Variants in PM20D2 observed in about 807,000 individuals in gnomAD.
PM20D2 encodes the protein xaa-Arg dipeptidase.
Under a neutral mutation model 42.9 loss-of-function variants are expected in PM20D2, and 33 were observed. That is an observed-to-expected ratio of 0.77 (90% confidence interval 0.58 to 1.03). The LOEUF (loss-of-function observed/expected upper bound fraction) is 1.03. Among genes scored for constraint, PM20D2 ranks in the 50% least tolerant of loss-of-function variants. PM20D2 has a pLI of 0.00. For synonymous variants in PM20D2, 250 were observed against 228.2 expected, an observed-to-expected ratio of 1.10 and a Z score of -0.86; for missense variants, 548 against 557.0, an observed-to-expected ratio of 0.98 and a Z score of 0.16.
rs1771272135 is a variant in PM20D2 at position 89,162,289 on chromosome 6, A to T, written c.*26A>T. 6.3e-7 allele frequency: 1 copy of T among 1,575,168 alleles called. No homozygotes were observed. The highest frequency in any genetic ancestry group is 2.2e-5 in the East Asian group (1 of 44,524). On this transcript the variant is annotated 3_prime_UTR_variant, in exon 7 of 7. Coordinates refer to ENST00000275072, the MANE Select transcript of PM20D2 (RefSeq NM_001010853.3). ...AAGACTTAGGGGCCACTTATAAATC[A>T]AGAAGACGTGATGATTTTTTTCTTT...
At chr6:89,118,916 C>T in the PM20D2 span, among the ~76,000 whole-genome samples, 2 of 152,214 alleles carry the variant, frequency 1.3e-5, no homozygotes, top group African/African-American at 2.4e-5. Context: ...GTAGCCCATC[C>T]CCTTCTAGTT....
At chr6:89,130,004 G>A in the PM20D2 span, among the ~76,000 whole-genome samples, 14 of 151,774 alleles carry the variant, frequency 9.2e-5, no homozygotes, top group Non-Finnish European at 7.4e-5. Flanking sequence ...CCAGAGTGTC[G>A]GGATTACAGC....
intron 1 of PM20D2, chr6:89,148,561 G>A (rs1415270341): frequency 3.1e-6 from 3 of 983,314 alleles, no homozygotes; most frequent in South Asian, 4.7e-5. Context: ...GGTTGAACTG[G>A]TGGAATCGAA....
the PM20D2 span, among the ~76,000 whole-genome samples, chr6:89,120,959 A>G: frequency 6.6e-6 from 1 of 152,202 alleles, no homozygotes; most frequent in Non-Finnish European, 1.5e-5. Context: ...AGGTATAGGT[A>G]TTATACTCTG....
chr6:89,116,146 T>A, the PM20D2 span, among the ~76,000 whole-genome samples: 1 of 152,222 alleles, frequency 6.6e-6, no homozygotes, highest in Admixed American at 6.5e-5. Context: ...TCTATTTCTA[T>A]TTGATAGTCC....
chr6:89,142,718 C>T (rs957408479), upstream of PM20D2, among the ~76,000 whole-genome samples: 5 of 152,176 alleles, frequency 3.3e-5, no homozygotes, highest in East Asian at 7.7e-4. Context: ...AGTGCAGTGA[C>T]GCGATCTCGG....
the PM20D2 span, among the ~76,000 whole-genome samples, chr6:89,112,682 G>A: frequency 3.3e-5 from 5 of 151,868 alleles, no homozygotes; most frequent in Non-Finnish European, 7.4e-5. Context: ...AAAGCACTGG[G>A]ATTACAAGCA....
At position 89,154,849 on chromosome 6, in the gene PM20D2, A is replaced by G; in HGVS notation, c.859A>G (p.Thr287Ala). Residue 287 changes from threonine to alanine, a missense_variant, in exon 4 of 7, where the codon ACC becomes GCC. Coordinates refer to ENST00000275072, the MANE Select transcript of PM20D2 (RefSeq NM_001010853.3). ...CTCAATGAAAGAACTTCAAGTTTTGACCAAAAAGGCAGAAGATTGCTTCAG... is the reference window on the plus strand; with the variant it reads ...CTCAATGAAAGAACTTCAAGTTTTGGCCAAAAAGGCAGAAGATTGCTTCAG... Reference protein sequence around the residue: ...APSMKELQVLTKKAEDCFRAA... With the variant: ...APSMKELQVLAKKAEDCFRAA... 1 of 1,609,544 alleles carries G rather than the reference A, an allele frequency of 6.2e-7. No homozygotes were observed. Among genetic ancestry groups the G allele is most frequent in the Non-Finnish European group, 8.5e-7 (1 of 1,178,372 alleles).
chr6:89,128,272 C>T, the PM20D2 span, among the ~76,000 whole-genome samples: 4 of 152,094 alleles, frequency 2.6e-5, no homozygotes, highest in African/African-American at 4.8e-5. Context: ...GGTCTATAAA[C>T]GGCTGCTCTG....
chr6:89,094,480 C>G, the PM20D2 span, among the ~76,000 whole-genome samples: 1 of 152,248 alleles, frequency 6.6e-6, no homozygotes, highest in African/African-American at 2.4e-5. Flanking sequence ...CCCCCGGAAC[C>G]TCCCAAAGTG....
chr6:89,127,097 C>T, the PM20D2 span, among the ~76,000 whole-genome samples: 1 of 152,120 alleles, frequency 6.6e-6, no homozygotes, highest in Non-Finnish European at 1.5e-5. Context: ...TAAATTTATT[C>T]CTCAGGGTAA....
chr6:89,155,434 C>T (rs1407264898), intron 4 of PM20D2, among the ~76,000 whole-genome samples: 3 of 151,592 alleles, frequency 2.0e-5, no homozygotes, highest in South Asian at 4.2e-4. Context: ...ACTACAGGCA[C>T]GCACCACCAC....
At chr6:89,098,809 T>G in the PM20D2 span, 1 of 1,613,990 alleles carries the variant, frequency 6.2e-7, no homozygotes, top group Non-Finnish European at 8.5e-7. Flanking sequence ...ACCTCTTTTG[T>G]AAGGACTTGG....
chr6:89,120,788 G>C, the PM20D2 span, among the ~76,000 whole-genome samples: 55 of 152,298 alleles, frequency 3.6e-4, no homozygotes, highest in African/African-American at 1.3e-3. Context: ...CAAGAGGATT[G>C]CTTGAGCCCA....
At chr6:89,095,171 A>G in the PM20D2 span, among the ~76,000 whole-genome samples, 1 of 152,190 alleles carries the variant, frequency 6.6e-6, no homozygotes, top group Admixed American at 6.5e-5. Flanking sequence ...AGTACCCTAC[A>G]TATTCTACTA....
chr6:89,106,646 C>G, the PM20D2 span: 1 of 164,210 alleles, frequency 6.1e-6, no homozygotes, highest in South Asian at 1.6e-4. Context: ...AGAAAAAGCT[C>G]AAGATACACA....
At chr6:89,138,013 G>A in the PM20D2 span, among the ~76,000 whole-genome samples, 1 of 148,778 alleles carries the variant, frequency 6.7e-6, no homozygotes. Flanking sequence ...ATTTTGTCTT[G>A]TACTAACCCT....
the PM20D2 span, chr6:89,117,686 C>T: frequency 6.0e-3 from 4,956 of 827,102 alleles, 23 homozygotes; most frequent in Non-Finnish European, 7.0e-3. Flanking sequence ...CACACCTCCC[C>T]AAGTGGCGCA....
At chr6:89,099,385 GCT>G in the PM20D2 span, among the ~76,000 whole-genome samples, 2 of 66,938 alleles carry the variant, frequency 3.0e-5, no homozygotes, top group African/African-American at 5.3e-5. Flanking sequence ...ATAGAAAACA[GCT>G]CTCTCTCTCT....
Sources: allele counts gnomAD v4.1 joint callset (sites outside exome capture counted in the v4.1 genomes callset), GRCh38; gene constraint gnomAD v4.1.1; transcripts MANE v1.5; gene names NCBI Gene and HGNC (gene_info 2026-07-23, HGNC 2026-07-21).